The following FGA variants were observed in gnomAD, a reference collection of about 807,000 sequenced individuals.
The protein encoded by FGA is fibrinogen, A alpha polypeptide.
Under a neutral mutation model 20.3 loss-of-function variants are expected in FGA, and 20 were observed. That is an observed-to-expected ratio of 0.99 (90% CI 0.69 to 1.43). The LOEUF is 1.43. FGA is among the 40% of genes most tolerant of loss of function. The probability of loss-of-function intolerance (pLI) is 0.00; values close to 1 mark genes in which losing one functional copy is unlikely to be tolerated. For synonymous variants in FGA, 306 were observed against 281.6 expected, an observed-to-expected ratio of 1.09 and a Z score of -0.87; for missense variants, 777 against 784.7, an observed-to-expected ratio of 0.99 and a Z score of 0.12.
intron 1 of FGA, among the ~76,000 whole-genome samples, chr4:154,590,429 T>A (rs570405981): frequency 6.6e-6 from 1 of 152,272 alleles, no homozygotes; most frequent in East Asian, 1.9e-4. Flanking sequence ...GTTTGTACAC[T>A]CTCATCCATC....
chr4:154,587,592 T>G lies in FGA; in HGVS notation c.430A>C (p.Lys144Gln). 6.2e-7 allele frequency: 1 copy of G among 1,614,030 alleles called. No individual in the cohort carries two copies. Among genetic ancestry groups the G allele is most frequent in the Non-Finnish European group, 8.5e-7 (1 of 1,179,958 alleles). Residue 144 changes from lysine (K) to glutamine (Q), a missense_variant, in exon 4 of 5, where the codon AAA (lysine) becomes CAA (glutamine). Lys to Gln is a moderately conservative substitution (Grantham distance 53, BLOSUM62 1). Transcript: ENST00000403106. The stretch of plus-strand genomic sequence containing the variant: ...ATATGCTGTACTTTTTCTATGACTT[T>G]GCGCTTCAGGACTTCAATTCTGCTT... The part of the protein sequence containing the change: ...LRSRIEVLKR[K>Q]VIEKVQHIQL...
At chr4:154,584,479 T>TCAG, downstream of FGA, 1 of 1,614,158 alleles carries the variant, frequency 6.2e-7, no homozygotes, top group East Asian at 2.2e-5. Flanking sequence ...GGCATAGCCT[T>TCAG]CAGCCTCAGA....
intron 1 of FGA, 56 bp downstream of exon 1, chr4:154,590,578 C>G (rs765427642): frequency 9.9e-5 from 140 of 1,413,750 alleles, no homozygotes; most frequent in Non-Finnish European, 1.3e-4. Context: ...CCTCCAGGCT[C>G]TTTGTGGAAT....
chr4:154,587,440 G>A (rs1443512395), intron 4 of FGA, 72 bp downstream of exon 4: 3 of 1,330,736 alleles, frequency 2.3e-6, no homozygotes, highest in Admixed American at 1.7e-5. Context: ...TAGACACTCA[G>A]TGCATAACTA....
chr4:154,589,689 C>A (rs2110820655), intron 1 of FGA, 127 bp from the exon 2 acceptor site: 1 of 1,057,340 alleles, frequency 9.5e-7, no homozygotes, highest in East Asian at 2.4e-5. Flanking sequence ...AGAGCAGACA[C>A]AGGGCTTCGG....
At chr4:154,587,771 GAAAGAAAGA>G in intron 3 of FGA, 114 bp from the exon 4 acceptor site, 3 of 658,962 alleles carry the variant, frequency 4.6e-6, no homozygotes, top group Non-Finnish European at 7.7e-6. Context: ...AAGAAAGAAA[GAAAGAAAGA>G]AAGAAAGAAA....
chr4:154,588,078 G>A (rs1400718552), intron 3 of FGA, among the ~76,000 whole-genome samples: 1 of 152,142 alleles, frequency 6.6e-6, no homozygotes, highest in Non-Finnish European at 1.5e-5. Context: ...CCTTAATCAA[G>A]GGACTTGAAC....
chr4:154,587,805 G>A lies in FGA; in HGVS notation c.365-148C>T, dbSNP rs530960205. 1.2e-4 allele frequency: 64 copies of A among 518,242 alleles called. No homozygotes were observed. In the African/African-American group the frequency reaches 1.3e-3, roughly 11 times the overall value. The allele number at this position is 518,242 out of a possible 1,614,324, so 32.1% of individuals were successfully genotyped here. A position where few individuals can be genotyped will look rare whatever the true frequency, so the allele number is the denominator to read the frequency against. Reference sequence around the variant, plus strand: ...AAAGAAAGAAAGAAAGAAAGAAAGAGAAAAAAGAAAGAAAGAAACTAGCTT... The same window carrying A: ...AAAGAAAGAAAGAAAGAAAGAAAGAAAAAAAAGAAAGAAAGAAACTAGCTT... On this transcript the variant is annotated intron_variant, in intron 3 of 4. Transcript: ENST00000403106.
intron 1 of FGA, among the ~76,000 whole-genome samples, chr4:154,589,824 G>A (rs1730827601): frequency 6.6e-6 from 1 of 152,160 alleles, no homozygotes; most frequent in African/African-American, 2.4e-5. Flanking sequence ...ATAAGCATTT[G>A]ATAAATATTA....
At position 154,585,857 on chromosome 4, in the gene FGA, T is replaced by C; in HGVS notation, c.1572A>G (p.Ser524=). The change falls in exon 5 of 5, where the codon TCA becomes TCG. Residue 524 remains serine (S), a synonymous_variant. Transcript: ENST00000403106. ...AGAAACCTGGGAATGTTTTTCCAGT[T>C]GAGGCAGTGTCGAAGAAGGCAGCTT... ...PDEAAFFDTA[S]TGKTFPGFFS... The C allele has an allele frequency of 6.2e-7, 1 of 1,614,144 alleles. No individual in the cohort carries two copies. Among genetic ancestry groups the C allele is most frequent in the Non-Finnish European group, 8.5e-7 (1 of 1,180,008 alleles).
intron 3 of FGA, among the ~76,000 whole-genome samples, chr4:154,588,264 G>C (rs1023144946): frequency 6.6e-6 from 1 of 152,136 alleles, no homozygotes; most frequent in Non-Finnish European, 1.5e-5. Context: ...AGAAACTGAG[G>C]ACTCCCTAGA....
chr4:154,587,771 GAAAGA>G (rs1383460208), intron 3 of FGA, 114 bp from the exon 4 acceptor site: 5 of 658,962 alleles, frequency 7.6e-6, no homozygotes, highest in Admixed American at 2.9e-5. Context: ...AAGAAAGAAA[GAAAGA>G]AAGAAAGAAA....
In FGA at chr4:154,589,412, C is replaced by T. The variant is rs746420682; in HGVS notation, c.180+25G>A. On this transcript the variant is annotated intron_variant, in intron 2 of 4. Transcript: ENST00000403106. The stretch of plus-strand genomic sequence containing the variant: ...CTCTAGCATCAGAGGGAAGGAATCT[C>T]CTGCTTCCCCCGCTGACTGCTTACC... The T allele has an allele frequency of 3.7e-6, 6 of 1,613,278 alleles. No individual in the cohort carries two copies. In the Admixed American group the frequency reaches 5.0e-5, roughly 13 times the overall value.
chr4:154,587,649 T>TA lies in FGA; in HGVS notation c.372dup (p.Asn125Ter). On this transcript the variant is annotated frameshift_variant, in exon 4 of 5. Coordinates refer to ENST00000403106, the MANE Select transcript of FGA (RefSeq NM_021871.4). LOFTEE classifies it high-confidence loss of function. The stretch of plus-strand genomic sequence containing the variant: ...TCCTCTGACACTCGGTTGTAGGTAT[T>TA]ATCACGGTCTGAAATCGAAAATATG... 6.2e-7 allele frequency: 1 copy of TA among 1,613,552 alleles called. No homozygotes were observed. Among genetic ancestry groups the TA allele is most frequent in the South Asian group, 1.1e-5 (1 of 91,054 alleles).
At chr4:154,584,182 C>A (rs771147131), downstream of FGA, 13 of 1,611,470 alleles carry the variant, frequency 8.1e-6, no homozygotes, top group South Asian at 1.1e-5. Context: ...ATAATCTGCC[C>A]CTCTAAAGGA....
chr4:154,589,061 C>G, intron 2 of FGA, 85 bp from the exon 3 acceptor site: 1 of 1,182,380 alleles, frequency 8.5e-7, no homozygotes, highest in East Asian at 2.4e-5. Context: ...GCCCCCATTT[C>G]TTCCTACCCT....
At chr4:154,589,326 CTA>C in intron 2 of FGA, 109 bp downstream of exon 2, 2 of 1,280,244 alleles carry the variant, frequency 1.6e-6, no homozygotes, top group Non-Finnish European at 2.2e-6. Context: ...ATGTAGGTAA[CTA>C]TTCAATTATT....
chr4:154,584,711 A>G (rs1345370857), downstream of FGA: 5 of 1,614,048 alleles, frequency 3.1e-6, no homozygotes, highest in East Asian at 6.7e-5. Context: ...ATCAAAAGCC[A>G]TCCTCCCAAA....
At chr4:154,587,780 AAAGAAAGAAAG>A in intron 3 of FGA, 123 bp from the exon 4 acceptor site, 1 of 715,242 alleles carries the variant, frequency 1.4e-6, no homozygotes, top group Non-Finnish European at 2.3e-6. Context: ...AGAAAGAAAG[AAAGAAAGAAAG>A]AAAGAAAGAA....
Sources: allele counts gnomAD v4.1 joint callset (sites outside exome capture counted in the v4.1 genomes callset), GRCh38; gene constraint gnomAD v4.1.1; transcripts MANE v1.5; gene names NCBI Gene and HGNC (gene_info 2026-07-23, HGNC 2026-07-21).